Variants in NRG1 observed in about 807,000 individuals in gnomAD.
NRG1 encodes pro-neuregulin-1, membrane-bound isoform.
Under a neutral mutation model 63.8 loss-of-function variants are expected in NRG1, and 18 were observed. The observed-to-expected ratio is 0.28, with a 90% CI of 0.19 to 0.42. The LOEUF (loss-of-function observed/expected upper bound fraction) is 0.42, where lower values mean the gene tolerates loss of function less well. Ranked by LOEUF, NRG1 falls within the 10% of genes least tolerant of loss-of-function variation. NRG1 has a pLI of 1.00. For missense variants in NRG1, 762 were observed against 814.7 expected (o/e 0.94, Z 0.79); for synonymous variants, 302 against 301.3 (o/e 1.00, Z -0.02).
chr8:32,555,979 C>T (rs898027687), intron 1 of NRG1, among the ~76,000 whole-genome samples: 18 of 152,250 alleles, frequency 1.2e-4, no homozygotes, highest in African/African-American at 4.1e-4. Flanking sequence ...CACAGTGCCC[C>T]GAACCTTTCA....
At position 32,341,323 on chromosome 8, in the gene NRG1, G is replaced by A. The variant is rs139967567; in HGVS notation, c.38-254505G>A. On this transcript the variant is annotated intron_variant, in intron 1 of 10. Coordinates refer to the NRG1 transcript ENST00000519301. Reference sequence around the variant, plus strand: ...ACTTTCTAAACCTGTTCACTTAGCAGGCAGATGGAAATCCAACATCCTTTG... The same window carrying A: ...ACTTTCTAAACCTGTTCACTTAGCAAGCAGATGGAAATCCAACATCCTTTG... Among the ~76,000 whole-genome samples, 260 of 152,292 alleles carry A rather than the reference G, an allele frequency of 1.7e-3. 2 individuals carry two copies. Among genetic ancestry groups the A allele is most frequent in the African/African-American group, 5.9e-3 (247 of 41,552 alleles).
At chr8:31,872,210 G>A (rs1340880692) in intron 1 of NRG1, among the ~76,000 whole-genome samples, 1 of 152,154 alleles carries the variant, frequency 6.6e-6, no homozygotes, top group Non-Finnish European at 1.5e-5. Context: ...TCTATCACCA[G>A]GAACTAAATT....
At chr8:31,873,428 G>A (rs549033129) in intron 1 of NRG1, among the ~76,000 whole-genome samples, 6 of 152,212 alleles carry the variant, frequency 3.9e-5, no homozygotes, top group South Asian at 2.1e-4. Context: ...GCGTGGTGGC[G>A]TGCGCCTATA....
At chr8:31,855,009 G>C (rs1022217566) in intron 1 of NRG1, among the ~76,000 whole-genome samples, 1 of 152,118 alleles carries the variant, frequency 6.6e-6, no homozygotes, top group Non-Finnish European at 1.5e-5. Context: ...TTTTACATTT[G>C]CTGAGGAGAG....
intron 1 of NRG1, among the ~76,000 whole-genome samples, chr8:31,678,966 T>C (rs1279670966): frequency 6.6e-6 from 1 of 151,954 alleles, no homozygotes; most frequent in African/African-American, 2.4e-5. Flanking sequence ...TTATTGCTTT[T>C]ATTAGGGAAT....
intron 1 of NRG1, among the ~76,000 whole-genome samples, chr8:32,554,944 T>A (rs1834839994): frequency 6.6e-6 from 1 of 151,370 alleles, no homozygotes; most frequent in African/African-American, 2.4e-5. Context: ...TTTTTTTAAG[T>A]TACTGCAGTA....
rs1265958106 is a variant in NRG1, at chr8:32,742,789, G to A, written c.691+56G>A. The A allele has an allele frequency of 6.2e-7, 1 of 1,613,256 alleles. No individual in the cohort carries two copies. The highest frequency in any genetic ancestry group is 1.7e-5 in the Admixed American group (1 of 59,980). ...AATAGGAGCATGCTCAGTTGGTGCTGCTTTCTTGTTGCTGCATCTCCCCTC... is the reference window on the plus strand; with the variant it reads ...AATAGGAGCATGCTCAGTTGGTGCTACTTTCTTGTTGCTGCATCTCCCCTC... On this transcript the variant is annotated intron_variant, in intron 7 of 11. Coordinates refer to ENST00000356819, the Ensembl canonical transcript of NRG1. The surrounding 1 kb of genome is among the most constrained non-coding windows in gnomAD (Gnocchi z 4.2).
At chr8:32,373,260 T>C (rs1222720374) in intron 1 of NRG1, among the ~76,000 whole-genome samples, 1 of 152,124 alleles carries the variant, frequency 6.6e-6, no homozygotes, top group Non-Finnish European at 1.5e-5. Flanking sequence ...AATACACCCA[T>C]ATGGCAAAGA....
intron 1 of NRG1, among the ~76,000 whole-genome samples, chr8:31,950,759 C>T (rs1216847598): frequency 2.0e-5 from 3 of 152,180 alleles, no homozygotes; most frequent in African/African-American, 7.2e-5. Context: ...CATATGCCTT[C>T]CATGTCAGGG....
chr8:31,895,403 C>CT (rs1000092648), intron 1 of NRG1, among the ~76,000 whole-genome samples: 4 of 152,222 alleles, frequency 2.6e-5, no homozygotes, highest in African/African-American at 7.2e-5. Flanking sequence ...GGAAAATACT[C>CT]TATCTGTTGG....
chr8:32,687,258 G>A (rs1035771118), intron 5 of NRG1, among the ~76,000 whole-genome samples: 1 of 152,142 alleles, frequency 6.6e-6, no homozygotes, highest in Non-Finnish European at 1.5e-5. Flanking sequence ...GGTTGTTCTG[G>A]TATCATCTGT....
chr8:32,480,222 C>A (rs951948170), intron 1 of NRG1, among the ~76,000 whole-genome samples: 3 of 151,946 alleles, frequency 2.0e-5, no homozygotes, highest in African/African-American at 7.3e-5. Flanking sequence ...TTGTAATGAT[C>A]TCACCTATAT....
chr8:32,077,786 C>T (rs1381871), intron 1 of NRG1, among the ~76,000 whole-genome samples: 32,103 of 152,014 alleles, frequency 0.21, 4,410 homozygotes, highest in East Asian at 0.64. Context: ...AATCTGACTA[C>T]TCAGGTTTCT....
chr8:31,650,126 T>A (rs951536035), intron 1 of NRG1, among the ~76,000 whole-genome samples: 2 of 152,090 alleles, frequency 1.3e-5, no homozygotes, highest in Non-Finnish European at 1.5e-5. Flanking sequence ...CACAGGCCCA[T>A]GCCACTATGC....
chr8:32,161,257 C>A (rs148135987), intron 1 of NRG1, among the ~76,000 whole-genome samples: 1 of 152,130 alleles, frequency 6.6e-6, no homozygotes, highest in East Asian at 1.9e-4. Context: ...ATTCTCATCT[C>A]AAATTCCGAA....
intron 1 of NRG1, among the ~76,000 whole-genome samples, chr8:31,757,737 G>A (rs1208946456): frequency 1.3e-5 from 2 of 152,024 alleles, no homozygotes; most frequent in Non-Finnish European, 1.5e-5. Context: ...ATCAACACAC[G>A]ATAGTATCAC....
intron 1 of NRG1, among the ~76,000 whole-genome samples, chr8:32,105,830 A>T (rs909137445): frequency 7.9e-5 from 12 of 152,272 alleles, no homozygotes; most frequent in South Asian, 2.1e-4. Context: ...TAATTTATTT[A>T]AAAAAGTGAT....
At chr8:31,751,539 T>A (rs1816463463) in intron 1 of NRG1, among the ~76,000 whole-genome samples, 1 of 151,934 alleles carries the variant, frequency 6.6e-6, no homozygotes, top group Non-Finnish European at 1.5e-5. Flanking sequence ...GGCAGTGCTT[T>A]GATGGCCATT....
intron 1 of NRG1, among the ~76,000 whole-genome samples, chr8:32,467,251 TG>T (rs1395179938): frequency 6.6e-6 from 1 of 152,160 alleles, no homozygotes; most frequent in Non-Finnish European, 1.5e-5. Flanking sequence ...TTGTTGTTTC[TG>T]CTTGGAATTT....
Sources: gnomAD v4.1 joint callset for allele counts (sites outside exome capture counted in the v4.1 genomes callset) on GRCh38, gnomAD v4.1.1 for gene constraint, Gnocchi (gnomAD v3.1) non-coding constraint, MANE v1.5 for transcripts, NCBI Gene and HGNC (gene_info 2026-07-23, HGNC 2026-07-21) for gene names.